ACACB: variants seen among roughly 807,000 people sequenced by gnomAD.
ACACB encodes the protein acetyl-CoA carboxylase beta.
In ACACB, 209 loss-of-function variants were observed where a neutral mutation model predicts 278.8. That is an observed-to-expected ratio of 0.75 (90% CI 0.67 to 0.84). The LOEUF (loss-of-function observed/expected upper bound fraction) is 0.84. Ranked by LOEUF, ACACB falls within the 40% of genes least tolerant of loss-of-function variation. The pLI, the probability that ACACB is intolerant of heterozygous loss-of-function variation, is 0.00. For missense variants in ACACB, 2,850 were observed against 3,269.0 expected, an observed-to-expected ratio of 0.87 and a Z score of 3.13; for synonymous variants, 1,174 against 1,285.6, an observed-to-expected ratio of 0.91 and a Z score of 1.86.
At chr12:109,119,525 G>A (rs968188212) in intron 1 of ACACB, among the ~76,000 whole-genome samples, 1 of 151,378 alleles carries the variant, frequency 6.6e-6, no homozygotes, top group African/African-American at 2.4e-5. Flanking sequence ...AGGAGGTGGA[G>A]CTTGCCGTGA....
chr12:109,255,153 C>T (rs1438787100), intron 44 of ACACB, among the ~76,000 whole-genome samples: 3 of 152,170 alleles, frequency 2.0e-5, no homozygotes, highest in African/African-American at 7.2e-5. Context: ...CACATGCACA[C>T]ACATTTTTGC....
At chr12:109,199,253 C>A in intron 17 of ACACB, 149 bp from the exon 18 acceptor site, 1 of 556,528 alleles carries the variant, frequency 1.8e-6, no homozygotes, top group East Asian at 3.4e-5. Context: ...CTCTCAGTGT[C>A]TCTGAGATAA....
chr12:109,257,325 A>C (rs1450450994), intron 45 of ACACB, among the ~76,000 whole-genome samples: 1 of 152,006 alleles, frequency 6.6e-6, no homozygotes, highest in Non-Finnish European at 1.5e-5. Flanking sequence ...AAAATAAAAA[A>C]AAAAAAATCC....
At chr12:109,154,548 C>T (rs1007803609) in intron 2 of ACACB, 3 of 130,922 alleles carry the variant, frequency 2.3e-5, no homozygotes, top group Non-Finnish European at 4.8e-5. Context: ...AGCGGCGGGT[C>T]GGAGGTAGGC....
At chr12:109,200,751 C>A (rs1472131827) in intron 18 of ACACB, among the ~76,000 whole-genome samples, 2 of 152,136 alleles carry the variant, frequency 1.3e-5, no homozygotes, top group Non-Finnish European at 2.9e-5. Flanking sequence ...GGATTCAAAC[C>A]CGGAAAATAA....
chr12:109,204,807 G>C (rs555734959), intron 19 of ACACB, among the ~76,000 whole-genome samples: 1 of 152,158 alleles, frequency 6.6e-6, no homozygotes, highest in South Asian at 2.1e-4. Context: ...TTCCATCCAT[G>C]TTGCTGCACA....
At chr12:109,209,437 A>C in intron 21 of ACACB, 84 bp downstream of exon 21, 1 of 1,423,990 alleles carries the variant, frequency 7.0e-7, no homozygotes, top group South Asian at 1.4e-5. Context: ...CTGGCCTCTG[A>C]TCAAGTTGAA....
intron 27 of ACACB, among the ~76,000 whole-genome samples, chr12:109,226,531 C>CTAA: frequency 6.6e-6 from 1 of 151,904 alleles, no homozygotes; most frequent in East Asian, 2.0e-4. Flanking sequence ...GAAACCCCGT[C>CTAA]TCTACTAAAA....
rs760361453 is a variant in ACACB at position 109,252,099 on chromosome 12, AGTGATCCAG to A, written c.5848_5856del (p.Ile1950_Val1952del). 1.7e-5 allele frequency: 28 copies of A among 1,613,592 alleles called. No individual in the cohort carries two copies. The highest frequency in any genetic ancestry group is 2.4e-5 in the Non-Finnish European group (28 of 1,179,886). On this transcript the variant is annotated inframe_deletion, in exon 42 of 53. Coordinates refer to ENST00000338432, the MANE Select transcript of ACACB (RefSeq NM_001093.4). ...CCTACTTGGTGAGGCTGGGCCAGCGAGTGATCCAGGTGGAGAATTCCCACATCATCCTCA... is the reference window on the plus strand; with the variant it reads ...CCTACTTGGTGAGGCTGGGCCAGCGAGTGGAGAATTCCCACATCATCCTCA...
rs369228391 is a variant in ACACB at position 109,242,621 on chromosome 12, C to G, written c.5178+29C>G. 58 of 1,611,910 alleles carry G rather than the reference C, an allele frequency of 3.6e-5. No homozygotes were observed. In the African/African-American group the frequency reaches 7.1e-4, roughly 20 times the overall value. ...AGTCCGGCGGCTCAGACGCGGTACC[C>G]CCTGGGTCCTCCCAGCAGACTCCAC... On this transcript the variant is annotated intron_variant, in intron 37 of 52. Transcript: ENST00000338432.
intron 11 of ACACB, among the ~76,000 whole-genome samples, chr12:109,182,000 C>T (rs947668794): frequency 5.3e-5 from 8 of 151,954 alleles, no homozygotes; most frequent in East Asian, 3.9e-4. Flanking sequence ...TGTGCCACGA[C>T]GCCCAGCTAA....
intron 13 of ACACB, among the ~76,000 whole-genome samples, chr12:109,191,185 T>C (rs2044863101): frequency 1.3e-5 from 2 of 151,282 alleles, no homozygotes; most frequent in South Asian, 4.2e-4. Flanking sequence ...ATGCACTGGC[T>C]GTGTCAGTCA....
chr12:109,165,411 A>G (rs192296304), intron 2 of ACACB, among the ~76,000 whole-genome samples: 104 of 151,968 alleles, frequency 6.8e-4, no homozygotes, highest in Admixed American at 2.4e-3. Context: ...CTGGTCTCGA[A>G]CTCCTGGTCT....
In ACACB at chr12:109,166,914, T is replaced by C. The variant is rs990499643; in HGVS notation, c.707T>C (p.Leu236Pro). 1 of 1,613,950 alleles carries C rather than the reference T, an allele frequency of 6.2e-7. No individual in the cohort carries two copies. Among genetic ancestry groups the C allele is most frequent in the Non-Finnish European group, 8.5e-7 (1 of 1,180,050 alleles). The change falls in exon 3 of 53, where the codon CTG becomes CCG. Residue 236 changes from leucine to proline, a missense_variant. Around this residue, in one of 3 missense-constraint regions of ACACB, gnomAD observed 2,265 missense variants for 2,561.3 expected, o/e 0.88. Coordinates refer to ENST00000338432, the MANE Select transcript of ACACB (RefSeq NM_001093.4). ...LVKRGREHKKLDLHRDFTVAS... is the reference protein window; with the variant it reads ...LVKRGREHKKPDLHRDFTVAS... Reference sequence around the variant, plus strand: ...AAGAGGGGACGGGAACACAAGAAGCTGGACCTGCACAGAGACTTTACCGTG... The same window carrying C: ...AAGAGGGGACGGGAACACAAGAAGCCGGACCTGCACAGAGACTTTACCGTG...
intron 32 of ACACB, 41 bp downstream of exon 32, chr12:109,235,410 C>T (rs939799463): frequency 6.3e-7 from 1 of 1,585,050 alleles, no homozygotes; most frequent in Non-Finnish European, 8.7e-7. Context: ...TCCCATTCTC[C>T]AAGCCTTGGT....
intron 3 of ACACB, among the ~76,000 whole-genome samples, chr12:109,167,621 G>GCATATATATA (rs1408673157): frequency 3.0e-4 from 23 of 77,524 alleles, no homozygotes; most frequent in African/African-American, 1.2e-3. Flanking sequence ...ATATGTATGT[G>GCATATATATA]TATATATATA....
intron 2 of ACACB, among the ~76,000 whole-genome samples, chr12:109,142,559 C>T (rs1371535848): frequency 6.6e-6 from 1 of 151,942 alleles, no homozygotes; most frequent in African/African-American, 2.4e-5. Context: ...CTCTCTTTCT[C>T]TTTCTTTCTT....
chr12:109,179,405 A>T, intron 10 of ACACB, 108 bp downstream of exon 10: 1 of 1,201,710 alleles, frequency 8.3e-7, no homozygotes, highest in Non-Finnish European at 1.2e-6. Flanking sequence ...TGGGTGCCTA[A>T]CAAGAGGGAT....
At chr12:109,185,257 A>G (rs1226326421) in intron 11 of ACACB, among the ~76,000 whole-genome samples, 1 of 152,126 alleles carries the variant, frequency 6.6e-6, no homozygotes, top group East Asian at 1.9e-4. Context: ...TGCAGCCAAC[A>G]TGGTTGCTTC....
Sources: gnomAD v4.1 joint callset for allele counts (sites outside exome capture counted in the v4.1 genomes callset) on GRCh38, gnomAD v4.1.1 for gene constraint, gnomAD v4.1.1 regional missense constraint, MANE v1.5 for transcripts, NCBI Gene and HGNC (gene_info 2026-07-23, HGNC 2026-07-21) for gene names.